Variants in KLF8 observed in about 807,000 individuals in gnomAD.
KLF8 encodes KLF transcription factor 8, also known as Krueppel-like factor 8.
Under a neutral mutation model 18.2 loss-of-function variants are expected in KLF8, and 10 were observed. The ratio of observed to expected loss-of-function variants is 0.55; its 90% confidence interval spans 0.34 to 0.93. The LOEUF (loss-of-function observed/expected upper bound fraction) is 0.93. Ranked by LOEUF, KLF8 falls within the 40% of genes least tolerant of loss-of-function variation. The pLI, the probability that KLF8 is intolerant of heterozygous loss-of-function variation, is 0.02. For synonymous variants in KLF8, 109 were observed against 97.3 expected (o/e 1.12, Z -0.71); for missense variants, 264 against 277.9 (o/e 0.95, Z 0.36).
the KLF8 span, among the ~76,000 whole-genome samples, chrX:56,195,984 GCTT>G: frequency 6.3e-5 from 7 of 111,531 alleles, no homozygotes; most frequent in Non-Finnish European, 7.5e-5. Flanking sequence ...GGCAAACTAA[GCTT>G]CATAAGTGAA....
intron 2 of KLF8, among the ~76,000 whole-genome samples, chrX:56,259,284 A>C (rs185597508): frequency 1.8e-4 from 20 of 111,496 alleles, no homozygotes; most frequent in Non-Finnish European, 3.2e-4. Context: ...CATCACCTAC[A>C]AATAATGACA....
chrX:56,045,454 C>T, the KLF8 span, among the ~76,000 whole-genome samples: 66 of 111,211 alleles, frequency 5.9e-4, no homozygotes, highest in South Asian at 8.3e-3. Context: ...GGTATTTTTA[C>T]GGGAATTGCA....
the KLF8 span, among the ~76,000 whole-genome samples, chrX:56,136,627 G>A: frequency 1.8e-5 from 2 of 111,246 alleles, no homozygotes; most frequent in Non-Finnish European, 1.9e-5. Context: ...AGACTTAAAC[G>A]TTAGACCTAA....
the KLF8 span, among the ~76,000 whole-genome samples, chrX:56,018,956 A>G: frequency 3.6e-5 from 4 of 111,380 alleles, no homozygotes; most frequent in African/African-American, 1.3e-4. Context: ...TCTTTTCAAC[A>G]TATTTTTAAG....
chrX:55,999,337 C>T, the KLF8 span, among the ~76,000 whole-genome samples: 1 of 60,904 alleles, frequency 1.6e-5, no homozygotes, highest in Admixed American at 1.7e-4. Context: ...TTTTTTGGTT[C>T]CCTGTCAATT....
At chrX:56,123,293 AAG>A in the KLF8 span, among the ~76,000 whole-genome samples, 216 of 102,769 alleles carry the variant, frequency 2.1e-3, no homozygotes, top group Middle Eastern at 1.0e-2. Context: ...GAAAGAAAGA[AAG>A]AAAGAGAAAG....
chrX:56,148,471 C>T, the KLF8 span, among the ~76,000 whole-genome samples: 1 of 111,169 alleles, frequency 9.0e-6, no homozygotes, highest in Non-Finnish European at 1.9e-5. Flanking sequence ...TACACCATAA[C>T]TATACTCTAT....
At chrX:56,175,526 G>A in the KLF8 span, among the ~76,000 whole-genome samples, 5 of 111,411 alleles carry the variant, frequency 4.5e-5, no homozygotes, top group African/African-American at 6.5e-5. Flanking sequence ...ACTATGTGGT[G>A]AATTTTGGAA....
the KLF8 span, among the ~76,000 whole-genome samples, chrX:56,034,179 G>A: frequency 9.0e-6 from 1 of 111,702 alleles, no homozygotes; most frequent in East Asian, 2.8e-4. Context: ...TCCATGGTGA[G>A]GTGATTTTCA....
At chrX:56,167,381 A>G in the KLF8 span, among the ~76,000 whole-genome samples, 2 of 111,833 alleles carry the variant, frequency 1.8e-5, no homozygotes, top group Non-Finnish European at 1.9e-5. Flanking sequence ...CTGCTCGTCT[A>G]TGCCTCCCAA....
At chrX:55,983,242 G>A in the KLF8 span, among the ~76,000 whole-genome samples, 1 of 110,799 alleles carries the variant, frequency 9.0e-6, no homozygotes, top group African/African-American at 3.3e-5. Context: ...TGTGGTGATG[G>A]AATCATGTGT....
the KLF8 span, chrX:55,961,432 C>T: frequency 1.9e-6 from 1 of 536,413 alleles, no homozygotes; most frequent in Non-Finnish European, 3.5e-6. Context: ...GCCTTACATG[C>T]TGCTTAATGT....
At chrX:55,941,447 G>T in the KLF8 span, among the ~76,000 whole-genome samples, 1 of 111,301 alleles carries the variant, frequency 9.0e-6, no homozygotes. Flanking sequence ...TACCATTCAG[G>T]TCATAGGCAT....
the KLF8 span, among the ~76,000 whole-genome samples, chrX:55,978,884 C>G: frequency 9.0e-6 from 1 of 111,250 alleles, no homozygotes; most frequent in Non-Finnish European, 1.9e-5. Context: ...ACAAAGAAGG[C>G]AATCATATAT....
At chrX:56,186,806 T>A in the KLF8 span, among the ~76,000 whole-genome samples, 1 of 111,960 alleles carries the variant, frequency 8.9e-6, no homozygotes, top group Non-Finnish European at 1.9e-5. Flanking sequence ...AAGTCAGAAG[T>A]AAAGATGTTC....
chrX:56,218,435 T>A, the KLF8 span, among the ~76,000 whole-genome samples: 32 of 111,675 alleles, frequency 2.9e-4, no homozygotes, highest in Non-Finnish European at 1.9e-4. Flanking sequence ...ATAAATTGAC[T>A]GTTTCCTGTG....
the KLF8 span, among the ~76,000 whole-genome samples, chrX:56,103,311 A>G: frequency 9.0e-6 from 1 of 111,185 alleles, no homozygotes; most frequent in Non-Finnish European, 1.9e-5. Flanking sequence ...CAGTATGGCC[A>G]TTTTCACGAT....
chrX:56,022,823 G>A, the KLF8 span, among the ~76,000 whole-genome samples: 1 of 110,506 alleles, frequency 9.0e-6, no homozygotes, highest in East Asian at 2.9e-4. Flanking sequence ...GACCTCATGT[G>A]TAAGGCTACC....
chrX:56,291,355 A>G lies in KLF8; in HGVS notation c.*6861A>G, dbSNP rs2067320843. The stretch of plus-strand genomic sequence containing the variant: ...TCTCTCATAAACAAGTCTGTTATGC[A>G]CCTGGAGATACTCAAGATTTGCCTC... On this transcript the variant is annotated 3_prime_UTR_variant, in exon 6 of 6. Transcript: ENST00000468660. 1.8e-5 allele frequency among the ~76,000 whole-genome samples: 2 copies of G among 111,358 alleles called. No individual in the cohort carries two copies. Among genetic ancestry groups the G allele is most frequent in the South Asian group, 7.5e-4 (2 of 2,650 alleles).
Sources: gnomAD v4.1 joint callset for allele counts (sites outside exome capture counted in the v4.1 genomes callset) on GRCh38, gnomAD v4.1.1 for gene constraint, MANE v1.5 for transcripts, NCBI Gene and HGNC (gene_info 2026-07-23, HGNC 2026-07-21) for gene names.